THRA: variants seen among roughly 807,000 people sequenced by gnomAD.
THRA encodes the protein thyroid hormone receptor alpha, also known as EAR-7.
Under a neutral mutation model 45.0 loss-of-function variants are expected in THRA, and 13 were observed. The ratio of observed to expected loss-of-function variants is 0.29; its 90% CI spans 0.19 to 0.46. THRA has a LOEUF of 0.46. Ranked by LOEUF, THRA falls within the 20% of genes least tolerant of loss-of-function variation. The pLI is 1.00. For missense variants in THRA, 278 were observed against 556.1 expected (o/e 0.50, Z 5.03); for synonymous variants, 195 against 214.0 (o/e 0.91, Z 0.78).
In THRA at chr17:40,088,265, C is replaced by T; in HGVS notation, c.747C>T (p.Ile249=). The T allele has an allele frequency of 1.3e-6, 2 of 1,597,758 alleles. No individual in the cohort carries two copies. Among genetic ancestry groups the T allele is most frequent in the South Asian group, 1.1e-5 (1 of 88,994 alleles). ...FSELPCEDQI[I]LLKGCCMEIM... ...AGCTGCCTTGCGAAGACCAGATCAT[C>T]CTCCTGAAGGGGTGCTGCATGGAGA... The change falls in exon 8 of 9, where the codon ATC becomes ATT. Residue 249 remains isoleucine (I), a synonymous_variant. Coordinates refer to ENST00000450525, the MANE Select transcript of THRA (RefSeq NM_199334.5).
intron 7 of THRA, 68 bp downstream of exon 7, chr17:40,086,921 G>A: frequency 6.3e-7 from 1 of 1,595,432 alleles, no homozygotes; most frequent in East Asian, 2.2e-5. Flanking sequence ...CGGTCACCCA[G>A]TACAGGCTCA....
chr17:40,092,963 T>C lies in THRA; in HGVS notation c.*3507T>C. On this transcript the variant is annotated 3_prime_UTR_variant, in exon 9 of 9. Coordinates refer to ENST00000450525, the MANE Select transcript of THRA (RefSeq NM_199334.5). ...AGGGGGCCAGAGGCTCATCTTGGAA[T>C]ATTTTATAACAATATAAATAAGATT... The C allele has an allele frequency of 6.4e-7, 1 of 1,569,970 alleles. No homozygotes were observed. The highest frequency in any genetic ancestry group is 8.7e-7 in the Non-Finnish European group (1 of 1,155,606).
At chr17:40,065,278 G>C (rs1201176209) in intron 1 of THRA, among the ~76,000 whole-genome samples, 6 of 152,036 alleles carry the variant, frequency 3.9e-5, no homozygotes, top group Non-Finnish European at 7.4e-5. Context: ...TCTTTCCTGG[G>C]AACAGTCAGT....
At chr17:40,076,146 G>A (rs911125416) in intron 2 of THRA, among the ~76,000 whole-genome samples, 2 of 152,196 alleles carry the variant, frequency 1.3e-5, no homozygotes, top group East Asian at 1.9e-4. Flanking sequence ...GCTCAGTCCC[G>A]GCTCTGACTC....
intron 7 of THRA, 156 bp downstream of exon 7, chr17:40,087,009 T>C (rs909136610): frequency 1.5e-5 from 12 of 776,584 alleles, no homozygotes; most frequent in Admixed American, 9.4e-5. Flanking sequence ...CACACACACA[T>C]GCATACACAT....
chr17:40,088,314 C>T lies in THRA; in HGVS notation c.796C>T (p.Arg266Cys), dbSNP rs2145085027. Residue 266 changes from arginine to cysteine, a missense_variant, in exon 8 of 9, where the codon CGC becomes TGC. Physicochemically the swap from Arg to Cys is radical, Grantham distance 180 (BLOSUM62 -3). Coordinates refer to ENST00000450525, the MANE Select transcript of THRA (RefSeq NM_199334.5). ...GATCATGTCCCTGCGGGCGGCTGTC[C>T]GCTACGACCCTGAGAGCGACACCCT... ...MEIMSLRAAVRYDPESDTLTL... is the reference protein window; with the variant it reads ...MEIMSLRAAVCYDPESDTLTL... 1 of 1,613,476 alleles carries T rather than the reference C, an allele frequency of 6.2e-7. No homozygotes were observed. Among genetic ancestry groups the T allele is most frequent in the Non-Finnish European group, 8.5e-7 (1 of 1,179,552 alleles).
At chr17:40,064,188 G>A (rs889890050) in intron 1 of THRA, among the ~76,000 whole-genome samples, 2 of 151,880 alleles carry the variant, frequency 1.3e-5, no homozygotes, top group Non-Finnish European at 2.9e-5. Context: ...AGCTCTGAGG[G>A]GTGGGATATA....
Position 40,091,336 on chromosome 17 carries a change from A to C in THRA, c.*1880A>C, listed in dbSNP as rs1410545906. On this transcript the variant is annotated 3_prime_UTR_variant, in exon 9 of 9. Coordinates refer to ENST00000450525, the MANE Select transcript of THRA (RefSeq NM_199334.5). ...GCCCGTCAGGGCACTGTCCTTCCCCAATCGTTCAGGTGTTCCAACAGGGGT... is the reference window on the plus strand; with the variant it reads ...GCCCGTCAGGGCACTGTCCTTCCCCCATCGTTCAGGTGTTCCAACAGGGGT... 6.5e-6 allele frequency: 1 copy of C among 152,804 alleles called. No individual in the cohort carries two copies. The highest frequency in any genetic ancestry group is 2.4e-5 in the African/African-American group (1 of 41,314). The allele number at this position is 152,804 out of a possible 1,614,324, so 9.5% of individuals were successfully genotyped here.
rs1987512638 is a variant in THRA at position 40,090,975 on chromosome 17, GGA to G, written c.*1525_*1526del. 1 of 152,456 alleles carries G rather than the reference GGA, an allele frequency of 6.6e-6. No individual in the cohort carries two copies. Among genetic ancestry groups the G allele is most frequent in the African/African-American group, 2.4e-5 (1 of 41,408 alleles). The allele number at this position is 152,456 out of a possible 1,614,324, so 9.4% of individuals were successfully genotyped here. On this transcript the variant is annotated 3_prime_UTR_variant, in exon 9 of 9. Coordinates refer to ENST00000450525, the MANE Select transcript of THRA (RefSeq NM_199334.5). ...GCCGCCCACTCCTCAGGGGAGAGAG[GGA>G]GAGAGGAGGTGGTCCTCCCATGGGA... is the stretch of plus-strand genomic sequence containing the variant.
At chr17:40,070,898 T>C (rs1986752070) in intron 1 of THRA, among the ~76,000 whole-genome samples, 1 of 149,364 alleles carries the variant, frequency 6.7e-6, no homozygotes, top group South Asian at 2.2e-4. Context: ...CTTTCTCTCT[T>C]TGTCTCCCCT....
In THRA at chr17:40,084,693, C is replaced by T. The variant is rs746608683; in HGVS notation, c.454C>T (p.Arg152Ter). The T allele has an allele frequency of 1.9e-6, 3 of 1,614,054 alleles. No homozygotes were observed. The highest frequency in any genetic ancestry group is 2.5e-6 in the Non-Finnish European group (3 of 1,179,994). The change falls in exon 6 of 9, where the codon CGA becomes TGA. Residue 152 changes from arginine (R) to a stop codon, truncating the protein, a stop_gained. Coordinates refer to ENST00000450525, the MANE Select transcript of THRA (RefSeq NM_199334.5). LOFTEE classifies it high-confidence loss of function. The stretch of plus-strand genomic sequence containing the variant: ...GCGGCGGCGGAAGGAGGAGATGATC[C>T]GATCACTGCAGCAGCGACCAGAGCC... ...RERRRKEEMI[R>*]SLQQRPEPTP...
intron 4 of THRA, among the ~76,000 whole-genome samples, chr17:40,081,922 C>G (rs1987150054): frequency 6.6e-6 from 1 of 151,702 alleles, no homozygotes; most frequent in African/African-American, 2.4e-5. Flanking sequence ...GAGATCACAC[C>G]ACTGCACTCC....
intron 1 of THRA, among the ~76,000 whole-genome samples, chr17:40,071,601 C>T (rs1393658117): frequency 3.9e-5 from 6 of 152,230 alleles, no homozygotes; most frequent in African/African-American, 9.6e-5. Flanking sequence ...CCCATAGCTC[C>T]GCCCCCTCGG....
chr17:40,074,054 C>T (rs1415901736), intron 1 of THRA, 138 bp from the exon 2 acceptor site: 2 of 216,530 alleles, frequency 9.2e-6, no homozygotes, highest in Admixed American at 5.2e-5. Flanking sequence ...CATCCTGGTC[C>T]CCTCTCTATG....
chr17:40,071,920 C>T (rs1001864437), intron 1 of THRA, among the ~76,000 whole-genome samples: 4 of 152,106 alleles, frequency 2.6e-5, no homozygotes, highest in African/African-American at 9.7e-5. Context: ...TGAGGGTGCC[C>T]TAGGCAGCAA....
chr17:40,082,827 C>T (rs1379072047), intron 4 of THRA, among the ~76,000 whole-genome samples: 1 of 124,684 alleles, frequency 8.0e-6, no homozygotes, highest in African/African-American at 3.2e-5. Context: ...AATGCAGTGG[C>T]GCGATCTTGG....
chr17:40,083,525 A>G (rs1987220103), intron 4 of THRA, among the ~76,000 whole-genome samples: 1 of 152,234 alleles, frequency 6.6e-6, no homozygotes, highest in African/African-American at 2.4e-5. Flanking sequence ...TTGGATTTCC[A>G]AAGCTGCTAT....
chr17:40,087,616 T>C (rs1255789563), intron 7 of THRA, among the ~76,000 whole-genome samples: 1 of 152,132 alleles, frequency 6.6e-6, no homozygotes, highest in East Asian at 1.9e-4. Flanking sequence ...AGCCTGAAAG[T>C]TCTCATTTTC....
chr17:40,087,111 CACAT>C (rs1013690280), intron 7 of THRA: 17 of 477,202 alleles, frequency 3.6e-5, no homozygotes, highest in African/African-American at 1.2e-4. Context: ...CATACACACA[CACAT>C]ACACCCAGCA....
Sources: allele counts gnomAD v4.1 joint callset (sites outside exome capture counted in the v4.1 genomes callset), GRCh38; gene constraint gnomAD v4.1.1; transcripts MANE v1.5; gene names NCBI Gene and HGNC (gene_info 2026-07-23, HGNC 2026-07-21).